The following MBP variants were observed in gnomAD, a reference collection of about 807,000 sequenced individuals.
MBP encodes myelin basic protein.
MBP carries 16 observed loss-of-function variants against 35.8 expected under a neutral mutation model. That is an observed-to-expected ratio of 0.45 (90% CI 0.30 to 0.68). The LOEUF (loss-of-function observed/expected upper bound fraction) is 0.68. Among genes scored for constraint, MBP ranks in the 30% least tolerant of loss-of-function variants. The pLI, the probability that MBP is intolerant of heterozygous loss-of-function variation, is 0.08. For synonymous variants in MBP, 143 were observed against 159.6 expected (o/e 0.90, Z 0.78); for missense variants, 380 against 404.7 (o/e 0.94, Z 0.52).
At chr18:77,090,628 C>T (rs575717197) in intron 2 of MBP, among the ~76,000 whole-genome samples, 2 of 152,204 alleles carry the variant, frequency 1.3e-5, no homozygotes, top group African/African-American at 2.4e-5. Context: ...GCCCCATGCT[C>T]TCTCCTTGGT....
At chr18:77,095,191 C>G (rs1334304930) in intron 2 of MBP, among the ~76,000 whole-genome samples, 2 of 152,152 alleles carry the variant, frequency 1.3e-5, no homozygotes, top group African/African-American at 4.8e-5. Context: ...CTGTCGGCAC[C>G]CACACAATCT....
chr18:77,031,831 G>A lies in MBP; in HGVS notation c.140-14563C>T, dbSNP rs568115048. ...CTGTACACTGGCTGCAGAGTGGGCC[G>A]CAGGTGACCTCTCTCATGGATGGGG... On this transcript the variant is annotated intron_variant, in intron 3 of 8. Transcript: ENST00000355994. Among the ~76,000 whole-genome samples, 22 of 152,332 alleles carry A rather than the reference G, an allele frequency of 1.4e-4. No individual in the cohort carries two copies. In the South Asian group the frequency reaches 4.6e-3, roughly 32 times the overall value.
chr18:77,100,124 T>C (rs1975939499), intron 2 of MBP, among the ~76,000 whole-genome samples: 1 of 152,200 alleles, frequency 6.6e-6, no homozygotes, highest in Admixed American at 6.5e-5. Context: ...CATTTGGAAA[T>C]GGTGCCTTTA....
chr18:76,998,308 G>A (rs1262238066), intron 4 of MBP, among the ~76,000 whole-genome samples: 2 of 140,410 alleles, frequency 1.4e-5, no homozygotes, highest in African/African-American at 5.4e-5. Flanking sequence ...CCCTCCAGGC[G>A]CCCCGTGCTG....
chr18:77,048,509 C>T (rs977192445), intron 3 of MBP, among the ~76,000 whole-genome samples: 19 of 151,818 alleles, frequency 1.3e-4, no homozygotes, highest in African/African-American at 4.1e-4. Flanking sequence ...CGCTCTGTCG[C>T]CCAGGCTGGA....
In MBP at chr18:77,098,168, CTTTTTT is replaced by C. The variant is rs3214873; in HGVS notation, c.51+7037_51+7042del. Among the ~76,000 whole-genome samples, 40 of 108,528 alleles carry C rather than the reference CTTTTTT, an allele frequency of 3.7e-4. 1 individual carries two copies. In the East Asian group the frequency reaches 0.013, roughly 34 times the overall value. The allele number at this position is 108,528 out of a possible 152,430, so 71.2% of individuals were successfully genotyped here. A position where few individuals can be genotyped will look rare whatever the true frequency, so the allele number is the denominator to read the frequency against. The stretch of plus-strand genomic sequence containing the variant: ...TTCTGAGGACAGACACAAGGACTTC[CTTTTTT>C]TTTTTTTTTTTTTTTACAATAATAG... On this transcript the variant is annotated intron_variant, in intron 2 of 8. Transcript: ENST00000355994.
chr18:77,051,801 G>A (rs945350377), intron 3 of MBP, among the ~76,000 whole-genome samples: 6 of 152,220 alleles, frequency 3.9e-5, no homozygotes, highest in African/African-American at 9.7e-5. Context: ...GGGTAGGAGC[G>A]TGAGTGGGGG....
chr18:76,985,695 T>C, intron 7 of MBP: 2 of 1,023,190 alleles, frequency 2.0e-6, no homozygotes, highest in Non-Finnish European at 2.3e-6. Flanking sequence ...CCCTAGCACC[T>C]TTCTAGCTCA....
At chr18:77,066,471 A>C (rs886631210) in intron 2 of MBP, 86 bp from the exon 3 acceptor site, 7 of 898,286 alleles carry the variant, frequency 7.8e-6, no homozygotes, top group Admixed American at 7.0e-5. Context: ...TCTCTTTATA[A>C]ATTTTTTATC....
intron 4 of MBP, among the ~76,000 whole-genome samples, chr18:77,011,106 A>C (rs1268316398): frequency 6.6e-6 from 1 of 152,176 alleles, no homozygotes; most frequent in Non-Finnish European, 1.5e-5. Context: ...TCAGAGGCAA[A>C]TCTGTGGTGA....
intron 2 of MBP, among the ~76,000 whole-genome samples, chr18:77,079,349 C>T (rs997122575): frequency 2.0e-5 from 3 of 152,208 alleles, no homozygotes; most frequent in African/African-American, 7.2e-5. Flanking sequence ...TGGCCACGGC[C>T]ACTGTGGGGG....
Position 77,018,192 on chromosome 18 carries a change from CCCATCCATCCAT to C in MBP, c.140-936_140-925del, listed in dbSNP as rs918390931. ...ATCCATCCATACACACACCCACCTA[CCCATCCATCCAT>C]CCATGCATCCATCCATCCCCCATCC... On this transcript the variant is annotated intron_variant, in intron 3 of 8. Transcript: ENST00000355994. Among the ~76,000 whole-genome samples, 13 of 151,440 alleles carry C rather than the reference CCCATCCATCCAT, an allele frequency of 8.6e-5. 1 individual carries two copies. The highest frequency in any genetic ancestry group is 1.9e-4 in the Non-Finnish European group (13 of 67,836).
intron 2 of MBP, chr18:77,087,313 C>A (rs1226172148): frequency 2.0e-5 from 3 of 152,186 alleles, no homozygotes; most frequent in Non-Finnish European, 4.4e-5. Flanking sequence ...CTCCCTGGCC[C>A]CAGAAAAAGG....
At position 77,016,852 on chromosome 18, in the gene MBP, G is replaced by C; in HGVS notation, c.556C>G (p.Pro186Ala). The C allele has an allele frequency of 6.2e-7, 1 of 1,614,186 alleles. No individual in the cohort carries two copies. The highest frequency in any genetic ancestry group is 8.5e-7 in the Non-Finnish European group (1 of 1,180,054). The change falls in exon 4 of 9, where the codon CCC becomes GCC. Residue 186 changes from proline (P) to alanine (A), a missense_variant. Transcript: ENST00000355994. The stretch of plus-strand genomic sequence containing the variant: ...CTCACCTTGCCAGAGCCCCGCTTGG[G>C]CGCACCCCTGTCACCGCCAAAGAAG... ...GRFFGGDRGA[P>A]KRGSGKDSHH... is the part of the protein sequence containing the mutation.
intron 4 of MBP, among the ~76,000 whole-genome samples, chr18:76,996,447 A>T (rs775608652): frequency 2.0e-5 from 3 of 152,226 alleles, no homozygotes; most frequent in Non-Finnish European, 4.4e-5. Context: ...AACCCACTAG[A>T]TTTCACTAAA....
chr18:77,124,124 C>T (rs539941366), intron 1 of MBP, among the ~76,000 whole-genome samples: 2 of 152,306 alleles, frequency 1.3e-5, no homozygotes, highest in East Asian at 3.9e-4. Flanking sequence ...CGGGCCGCAA[C>T]ACCAGCAGTC....
intron 1 of MBP, among the ~76,000 whole-genome samples, chr18:77,118,612 C>CTT (rs1976775670): frequency 1.5e-5 from 2 of 134,270 alleles, no homozygotes; most frequent in African/African-American, 5.7e-5. Context: ...TCCACAGACA[C>CTT]CACACACACA....
At chr18:77,081,765 TATACACAC>T (rs1410796406) in intron 2 of MBP, among the ~76,000 whole-genome samples, 4 of 93,192 alleles carry the variant, frequency 4.3e-5, no homozygotes, top group African/African-American at 7.3e-5. Flanking sequence ...TATATATATA[TATACACAC>T]ACACACACAC....
intron 2 of MBP, among the ~76,000 whole-genome samples, chr18:77,085,317 A>G (rs1343372277): frequency 6.6e-6 from 1 of 152,226 alleles, no homozygotes; most frequent in Non-Finnish European, 1.5e-5. Context: ...AAATATACAA[A>G]GAAAGATCTT....
Sources: gnomAD v4.1 joint callset for allele counts (sites outside exome capture counted in the v4.1 genomes callset) on GRCh38, gnomAD v4.1.1 for gene constraint, MANE v1.5 for transcripts, NCBI Gene and HGNC (gene_info 2026-07-23, HGNC 2026-07-21) for gene names.